Variants in CSPP1 observed in about 807,000 individuals in gnomAD.
The protein encoded by CSPP1 is centrosome and spindle pole-associated protein 1.
A neutral mutation model predicts 164.4 loss-of-function variants in CSPP1; 126 were observed. The observed-to-expected ratio is 0.77, with a 90% confidence interval of 0.66 to 0.89. The LOEUF (loss-of-function observed/expected upper bound fraction) is 0.89. Ranked by LOEUF, CSPP1 falls within the 40% of genes least tolerant of loss-of-function variation. The pLI, the probability that CSPP1 is intolerant of heterozygous loss-of-function variation, is 0.00. For synonymous variants in CSPP1, 472 were observed against 476.7 expected, an observed-to-expected ratio of 0.99 and a Z score of 0.13; for missense variants, 1,395 against 1,449.8, an observed-to-expected ratio of 0.96 and a Z score of 0.61.
chr8:67,086,889 T>A, intron 4 of CSPP1: 4 of 207,362 alleles, frequency 1.9e-5, no homozygotes, highest in Non-Finnish European at 1.6e-5. Flanking sequence ...TTTTTCTTTC[T>A]TTTTTTTTTT....
intron 4 of CSPP1, among the ~76,000 whole-genome samples, chr8:67,090,858 A>G (rs1811466260): frequency 6.6e-6 from 1 of 152,218 alleles, no homozygotes; most frequent in Non-Finnish European, 1.5e-5. Context: ...ACAATTATTG[A>G]TTGATTTTAT....
chr8:67,076,625 T>TTTGGGAGGCCGAGGC (rs773848283), intron 3 of CSPP1, 44 bp downstream of exon 3: 1 of 1,047,026 alleles, frequency 9.6e-7, no homozygotes, highest in East Asian at 2.6e-5. Context: ...ATATCCTTAG[T>TTTGGGAGGCCGAGGC]GGGCTCTTCT....
intron 18 of CSPP1, among the ~76,000 whole-genome samples, chr8:67,150,691 G>A (rs191111007): frequency 7.9e-5 from 12 of 152,248 alleles, no homozygotes; most frequent in East Asian, 5.8e-4. Flanking sequence ...GTGAGCCATC[G>A]CCTGGTTACA....
Position 67,074,333 on chromosome 8 carries a change from A to T in CSPP1, c.81A>T (p.Pro27=), listed in dbSNP as rs1271272185. The change falls in exon 2 of 31, where the codon CCA becomes CCT. Residue 27 remains proline, a synonymous_variant. Transcript: ENST00000678616. ...AEDKAELESD[P]PYMEMKGKLS... ...ACAAAGCAGAGTTGGAAAGTGATCC[A>T]CCTTACATGGAAATGAAGGTAAATT... is the stretch of plus-strand genomic sequence containing the variant. The T allele has an allele frequency of 6.2e-6, 10 of 1,600,468 alleles. No homozygotes were observed. The highest frequency in any genetic ancestry group is 8.5e-6 in the Non-Finnish European group (10 of 1,171,708).
intron 8 of CSPP1, among the ~76,000 whole-genome samples, chr8:67,103,872 G>A (rs1368146425): frequency 1.4e-5 from 2 of 147,170 alleles, no homozygotes; most frequent in Non-Finnish European, 3.0e-5. Flanking sequence ...AATTGGAAAT[G>A]TTCCTGTGGT....
At chr8:67,128,664 T>C (rs1820610245) in intron 15 of CSPP1, among the ~76,000 whole-genome samples, 1 of 151,996 alleles carries the variant, frequency 6.6e-6, no homozygotes, top group Admixed American at 6.6e-5. Context: ...TTAAACCTAA[T>C]AAGACCAGTA....
At chr8:67,179,343 C>A (rs1385020903) in intron 27 of CSPP1, among the ~76,000 whole-genome samples, 1 of 152,066 alleles carries the variant, frequency 6.6e-6, no homozygotes, top group Non-Finnish European at 1.5e-5. Context: ...TGAGAGTATA[C>A]CCCTCTCTCT....
intron 9 of CSPP1, among the ~76,000 whole-genome samples, chr8:67,107,136 C>T (rs1586152378): frequency 2.0e-5 from 3 of 151,986 alleles, no homozygotes; most frequent in African/African-American, 7.2e-5. Flanking sequence ...CAACCTCCAC[C>T]TCCTGGGTTC....
chr8:67,163,978 G>A (rs944431830), intron 23 of CSPP1, among the ~76,000 whole-genome samples, 180 bp downstream of exon 23: 1 of 152,202 alleles, frequency 6.6e-6, no homozygotes, highest in African/African-American at 2.4e-5. Context: ...TAGCCAGGAA[G>A]TGGACATTGA....
chr8:67,078,143 G>C (rs1344948170), intron 3 of CSPP1, among the ~76,000 whole-genome samples: 3 of 152,080 alleles, frequency 2.0e-5, no homozygotes, highest in African/African-American at 7.2e-5. Flanking sequence ...GCTAAGGTTA[G>C]ACAGAATCCC....
intron 9 of CSPP1, 46 bp from the exon 10 acceptor site, chr8:67,111,926 C>T (rs773716504): frequency 4.2e-6 from 5 of 1,184,022 alleles, no homozygotes; most frequent in African/African-American, 3.1e-5. Flanking sequence ...TAATTGCATA[C>T]GATGCTTAAG....
At chr8:67,064,596 C>T in intron 1 of CSPP1, 58 bp downstream of exon 1, 1 of 1,431,700 alleles carries the variant, frequency 7.0e-7, no homozygotes. Context: ...CATTCGCTGC[C>T]CCGGAGCGGG....
chr8:67,175,200 G>T (rs369984993), intron 25 of CSPP1, 96 bp from the exon 26 acceptor site: 3 of 867,288 alleles, frequency 3.5e-6, no homozygotes, highest in Admixed American at 2.3e-5. Context: ...CCTTGATTTT[G>T]AAATTAGGTT....
chr8:67,175,284 T>C lies in CSPP1; in HGVS notation c.2969-12T>C. 1 of 1,596,112 alleles carries C rather than the reference T, an allele frequency of 6.3e-7. No homozygotes were observed. The highest frequency in any genetic ancestry group is 8.6e-7 in the Non-Finnish European group (1 of 1,168,778). On this transcript the variant is annotated splice_polypyrimidine_tract_variant and intron_variant, in intron 25 of 30. Transcript: ENST00000678616. ...CATTTAACTTAGTTATATAACATAT[T>C]TTTTATACCAGATTCAGAAACACGA...
intron 16 of CSPP1, chr8:67,135,618 A>G (rs1238502519): frequency 6.6e-6 from 1 of 152,226 alleles, no homozygotes; most frequent in African/African-American, 2.4e-5. Flanking sequence ...GCTTAAGGGA[A>G]TGCTGGGCTG....
Position 67,118,955 on chromosome 8 carries a change from A to G in CSPP1, c.1697+134A>G, listed in dbSNP as rs1005034990. 3 of 639,510 alleles carry G rather than the reference A, an allele frequency of 4.7e-6. No individual in the cohort carries two copies. In the Admixed American group the frequency reaches 7.6e-5, roughly 16 times the overall value. The allele number at this position is 639,510 out of a possible 1,614,324, so 39.6% of individuals were successfully genotyped here. A position where few individuals can be genotyped will look rare whatever the true frequency, so the allele number is the denominator to read the frequency against. On this transcript the variant is annotated intron_variant, in intron 15 of 30. Coordinates refer to ENST00000678616, the MANE Select transcript of CSPP1 (RefSeq NM_001382391.1). ...TTTAATATTTTCATAATGTGCAACC[A>G]TCACCACAATCCATCTTCAGAACTC...
intron 28 of CSPP1, among the ~76,000 whole-genome samples, chr8:67,184,346 T>A (rs77022296): frequency 1.2e-3 from 180 of 152,042 alleles, no homozygotes; most frequent in Non-Finnish European, 3.7e-4. Flanking sequence ...AGGAAATAAA[T>A]AGAGAAAATC....
In CSPP1 at chr8:67,103,046, G is replaced by A; in HGVS notation, c.933G>A (p.Arg311=). 1 of 1,604,818 alleles carries A rather than the reference G, an allele frequency of 6.2e-7. No individual in the cohort carries two copies. Among genetic ancestry groups the A allele is most frequent in the South Asian group, 1.1e-5 (1 of 90,858 alleles). Residue 311 remains arginine, a synonymous_variant, in exon 8 of 31, where the codon AGG becomes AGA. Coordinates refer to ENST00000678616, the MANE Select transcript of CSPP1 (RefSeq NM_001382391.1). ...CTAATGTGTTTTTAAGGATGCACAG[G>A]AACAAACGAGGGAATATGCCTCCTA... ...SRVYTNDRMH[R]NKRGNMPPME... is the part of the protein sequence containing the mutation.
At chr8:67,103,697 T>A (rs983661743) in intron 8 of CSPP1, among the ~76,000 whole-genome samples, 1 of 151,492 alleles carries the variant, frequency 6.6e-6, no homozygotes, top group African/African-American at 2.4e-5. Flanking sequence ...TGGCAATCCC[T>A]GTAATCCCTG....
Sources: gnomAD v4.1 joint callset for allele counts (sites outside exome capture counted in the v4.1 genomes callset) on GRCh38, gnomAD v4.1.1 for gene constraint, MANE v1.5 for transcripts, NCBI Gene and HGNC (gene_info 2026-07-23, HGNC 2026-07-21) for gene names.